MYO3A: variants seen among roughly 807,000 people sequenced by gnomAD.
MYO3A encodes myosin IIIA.
A neutral mutation model predicts 192.7 loss-of-function variants in MYO3A; 180 were observed. The observed-to-expected ratio is 0.93, with a 90% CI of 0.83 to 1.06. The LOEUF is 1.06. Among genes scored for constraint, MYO3A ranks in the 50% least tolerant of loss-of-function variants. The probability of loss-of-function intolerance (pLI) is 0.00; values close to 1 mark genes in which losing one functional copy is unlikely to be tolerated. For synonymous variants in MYO3A, 628 were observed against 645.3 expected (o/e 0.97, Z 0.41); for missense variants, 1,896 against 1,905.0 (o/e 1.00, Z 0.09).
rs540170394 is a variant in MYO3A at position 25,956,052 on chromosome 10, C to T, written c.303+1044C>T. 1.1e-4 allele frequency among the ~76,000 whole-genome samples: 17 copies of T among 152,260 alleles called. 1 individual carries two copies. In the South Asian group the frequency reaches 3.5e-3, roughly 32 times the overall value. On this transcript the variant is annotated intron_variant, in intron 4 of 34. Transcript: ENST00000642920. ...CAAGATGGCACCTTGTTGCTACATG[C>T]TCTGGAGAGAAGAAACGCTGTGTTC...
In MYO3A at chr10:26,120,760, A is replaced by T. The variant is rs1385190835; in HGVS notation, c.1861A>T (p.Ile621Phe). Reference protein sequence around the residue: ...EFSSVATEHQIDKSHISNHTA... With the variant: ...EFSSVATEHQFDKSHISNHTA... ...TTCTTCTGTGGCAACTGAACACCAG[A>T]TTGACAAGAGCCACATTTCTAATCA... is the stretch of plus-strand genomic sequence containing the variant. The change falls in exon 18 of 35, where the codon ATT (isoleucine) becomes TTT (phenylalanine). Residue 621 changes from isoleucine (I) to phenylalanine (F), a missense_variant. Coordinates refer to ENST00000642920, the MANE Select transcript of MYO3A (RefSeq NM_017433.5). 3 of 1,614,112 alleles carry T rather than the reference A, an allele frequency of 1.9e-6. No homozygotes were observed. The Admixed American group carries it at 5.0e-5, about 27-fold the overall frequency.
At chr10:25,983,197 A>G (rs1839436492) in intron 4 of MYO3A, among the ~76,000 whole-genome samples, 1 of 152,028 alleles carries the variant, frequency 6.6e-6, no homozygotes, top group African/African-American at 2.4e-5. Flanking sequence ...CAAGCAGAAG[A>G]AAGAACTTCA....
intron 20 of MYO3A, among the ~76,000 whole-genome samples, chr10:26,130,484 T>C (rs564436923): frequency 6.6e-6 from 1 of 152,322 alleles, no homozygotes; most frequent in Non-Finnish European, 1.5e-5. Flanking sequence ...GTCTAAGGGC[T>C]TGTTACAAAA....
At chr10:26,168,920 A>T (rs943477194) in intron 28 of MYO3A, 46 bp downstream of exon 28, 7 of 1,557,944 alleles carry the variant, frequency 4.5e-6, no homozygotes, top group East Asian at 4.5e-5. Context: ...ATCAAATCTT[A>T]TAATACTTCT....
intron 4 of MYO3A, among the ~76,000 whole-genome samples, chr10:25,957,282 A>T (rs1042973095): frequency 1.3e-5 from 2 of 152,026 alleles, no homozygotes; most frequent in Non-Finnish European, 2.9e-5. Context: ...GTCTGATGAG[A>T]TCTGATGGTT....
intron 14 of MYO3A, among the ~76,000 whole-genome samples, chr10:26,084,038 G>A (rs1226979981): frequency 2.0e-5 from 3 of 152,176 alleles, no homozygotes; most frequent in Admixed American, 6.6e-5. Context: ...TCAATAGAAA[G>A]ATAATAGCTA....
At chr10:26,080,590 T>TGGGGGG (rs372309863) in intron 14 of MYO3A, among the ~76,000 whole-genome samples, 1 of 53,460 alleles carries the variant, frequency 1.9e-5, no homozygotes, top group African/African-American at 6.1e-5. Context: ...GTAATTTTTT[T>TGGGGGG]GGGGGGAGGC....
At chr10:26,077,233 GTTTTT>G (rs34464120) in intron 14 of MYO3A, among the ~76,000 whole-genome samples, 4 of 36,292 alleles carry the variant, frequency 1.1e-4, no homozygotes, top group African/African-American at 3.9e-4. Context: ...TATTCCTAAG[GTTTTT>G]TTTTTTTTTT....
chr10:25,940,288 T>A (rs1010242946), intron 2 of MYO3A, among the ~76,000 whole-genome samples: 3 of 152,094 alleles, frequency 2.0e-5, no homozygotes, highest in African/African-American at 7.2e-5. Flanking sequence ...GAATGACTTT[T>A]GTAAAGTCAG....
chr10:26,087,600 G>T (rs1428855496), intron 14 of MYO3A, among the ~76,000 whole-genome samples: 1 of 152,134 alleles, frequency 6.6e-6, no homozygotes, highest in Non-Finnish European at 1.5e-5. Flanking sequence ...TTCAACTGAA[G>T]TGGTAAAGAA....
intron 34 of MYO3A, among the ~76,000 whole-genome samples, chr10:26,205,515 A>T (rs1349863307): frequency 1.6e-5 from 2 of 123,462 alleles, no homozygotes; most frequent in African/African-American, 6.4e-5. Flanking sequence ...AGATCATGCT[A>T]TATTTGTCTT....
chr10:26,069,146 T>C (rs1258788226), intron 12 of MYO3A, among the ~76,000 whole-genome samples: 2 of 152,088 alleles, frequency 1.3e-5, no homozygotes, highest in Non-Finnish European at 2.9e-5. Context: ...AAATATTGTA[T>C]CACTAAACAG....
chr10:26,075,207 T>C (rs867615363), intron 14 of MYO3A, among the ~76,000 whole-genome samples: 11 of 152,158 alleles, frequency 7.2e-5, no homozygotes, highest in Admixed American at 3.9e-4. Context: ...CTCAGAATTA[T>C]TTTGGTTAGT....
rs376764840 is a variant in MYO3A at position 25,938,433 on chromosome 10, G to A, written c.-18+2603G>A. On this transcript the variant is annotated intron_variant, in intron 2 of 34. Coordinates refer to ENST00000642920, the MANE Select transcript of MYO3A (RefSeq NM_017433.5). Reference sequence around the variant, plus strand: ...CTTGGTAAAGAATGTGGATTTTGTGGGGTTTTTAGCAGGAAAATAAGATGA... The same window carrying A: ...CTTGGTAAAGAATGTGGATTTTGTGAGGTTTTTAGCAGGAAAATAAGATGA... Among the ~76,000 whole-genome samples, 41 of 152,274 alleles carry A rather than the reference G, an allele frequency of 2.7e-4. No individual in the cohort carries two copies. In the East Asian group the frequency reaches 6.0e-3, roughly 22 times the overall value.
chr10:26,159,573 G>A (rs1446779813), intron 26 of MYO3A, among the ~76,000 whole-genome samples: 2 of 150,962 alleles, frequency 1.3e-5, no homozygotes, highest in Non-Finnish European at 3.0e-5. Flanking sequence ...TAGAGAAGGG[G>A]TTTCACCATG....
intron 2 of MYO3A, among the ~76,000 whole-genome samples, chr10:25,937,747 A>T (rs751911486): frequency 6.6e-6 from 1 of 152,250 alleles, no homozygotes; most frequent in Non-Finnish European, 1.5e-5. Flanking sequence ...GGAGAACGGA[A>T]TACAAATACA....
intron 10 of MYO3A, among the ~76,000 whole-genome samples, chr10:26,066,313 A>G (rs1332668967): frequency 6.6e-6 from 1 of 152,110 alleles, no homozygotes; most frequent in Non-Finnish European, 1.5e-5. Context: ...ACTTAAGAGT[A>G]TGTCCAAAAA....
At chr10:26,005,814 G>A (rs776366780) in intron 6 of MYO3A, among the ~76,000 whole-genome samples, 5 of 152,034 alleles carry the variant, frequency 3.3e-5, no homozygotes, top group Non-Finnish European at 7.4e-5. Flanking sequence ...CATTTTAAAA[G>A]CTGGCAGAGT....
Position 26,070,119 on chromosome 10 carries a change from A to T in MYO3A, c.1179A>T (p.Lys393Asn). The T allele has an allele frequency of 6.2e-7, 1 of 1,606,914 alleles. No homozygotes were observed. The highest frequency in any genetic ancestry group is 8.5e-7 in the Non-Finnish European group (1 of 1,173,974). The change falls in exon 13 of 35, where the codon AAA becomes AAT. Residue 393 changes from lysine to asparagine, a missense_variant. Lys to Asn is a moderately conservative substitution (Grantham distance 94). Coordinates refer to ENST00000642920, the MANE Select transcript of MYO3A (RefSeq NM_017433.5). Reference sequence around the variant, plus strand: ...TTCTTTTTAACCTTTAGCATTCCAAACTATATATTGGATCAAAGAGAACTG... The same window carrying T: ...TTCTTTTTAACCTTTAGCATTCCAATCTATATATTGGATCAAAGAGAACTG... The part of the protein sequence containing the change: ...SLGLYSTKHS[K>N]LYIGSKRTAS...
Sources: gnomAD v4.1 joint callset for allele counts (sites outside exome capture counted in the v4.1 genomes callset) on GRCh38, gnomAD v4.1.1 for gene constraint, MANE v1.5 for transcripts, NCBI Gene and HGNC (gene_info 2026-07-23, HGNC 2026-07-21) for gene names.